DPH6: variants seen among roughly 807,000 people sequenced by gnomAD.
DPH6 encodes diphthamine biosynthesis 6, also known as diphthine--ammonia ligase.
DPH6 carries 33 observed loss-of-function variants against 38.2 expected under a neutral mutation model. The ratio of observed to expected loss-of-function variants is 0.86; its 90% confidence interval spans 0.65 to 1.15. DPH6 has a LOEUF of 1.15. DPH6 is among the 50% of genes most tolerant of loss of function. The pLI is 0.00. For synonymous variants in DPH6, 108 were observed against 103.0 expected (o/e 1.05, Z -0.30); for missense variants, 325 against 320.0 (o/e 1.02, Z -0.12).
At chr15:35,342,061 G>C (rs903349273) in intron 3 of DPH6, among the ~76,000 whole-genome samples, 1 of 152,192 alleles carries the variant, frequency 6.6e-6, no homozygotes, top group Admixed American at 6.5e-5. Context: ...CCATTGACTG[G>C]CTGGAATTGC....
intron 3 of DPH6, among the ~76,000 whole-genome samples, chr15:35,290,881 T>G (rs2051975661): frequency 6.6e-6 from 1 of 152,116 alleles, no homozygotes; most frequent in Non-Finnish European, 1.5e-5. Flanking sequence ...AATAATTAAT[T>G]AAACCTATCA....
chr15:35,369,466 C>T (rs1367182776), downstream of DPH6, among the ~76,000 whole-genome samples: 7 of 151,546 alleles, frequency 4.6e-5, no homozygotes, highest in Non-Finnish European at 8.9e-5. Context: ...AATCATACTT[C>T]ATTTTCTGTC....
chr15:35,529,925 GTATT>G (rs1439613269), intron 3 of DPH6, among the ~76,000 whole-genome samples: 17 of 151,762 alleles, frequency 1.1e-4, no homozygotes, highest in Non-Finnish European at 2.5e-4. Flanking sequence ...AAAACACTAA[GTATT>G]TATCAATAAT....
chr15:35,542,350 A>C, intron 2 of DPH6, 63 bp downstream of exon 2: 2 of 1,364,412 alleles, frequency 1.5e-6, no homozygotes, highest in Non-Finnish European at 2.1e-6. Flanking sequence ...TACCTGTACA[A>C]TGTAATTATG....
At chr15:35,427,213 G>T (rs192317471) in intron 5 of DPH6, among the ~76,000 whole-genome samples, 2 of 151,702 alleles carry the variant, frequency 1.3e-5, no homozygotes, top group African/African-American at 4.8e-5. Context: ...GTGAGGAAAC[G>T]ACTATTCCAA....
intron 3 of DPH6, among the ~76,000 whole-genome samples, chr15:35,268,217 A>G (rs1000239072): frequency 4.2e-4 from 59 of 141,986 alleles, no homozygotes; most frequent in African/African-American, 1.4e-3. Flanking sequence ...ATAAATAAAT[A>G]AAAGAAAACT....
At chr15:35,413,139 T>G (rs1197404071) in intron 5 of DPH6, among the ~76,000 whole-genome samples, 1 of 151,702 alleles carries the variant, frequency 6.6e-6, no homozygotes, top group African/African-American at 2.4e-5. Context: ...AACCTACAAC[T>G]GCTTTAACAA....
At chr15:35,317,269 GAA>G (rs1161317713) in intron 3 of DPH6, among the ~76,000 whole-genome samples, 1 of 120,392 alleles carries the variant, frequency 8.3e-6, no homozygotes, top group African/African-American at 3.2e-5. Context: ...AAAAAAGAAA[GAA>G]AGAAAGAGAG....
intron 3 of DPH6, among the ~76,000 whole-genome samples, chr15:35,466,194 C>T (rs1051630705): frequency 6.6e-6 from 1 of 151,416 alleles, no homozygotes; most frequent in Admixed American, 6.6e-5. Context: ...AAGGTTCTGT[C>T]TCAAAAAAAT....
At chr15:35,243,156 C>T (rs905418293) in intron 3 of DPH6, among the ~76,000 whole-genome samples, 2 of 142,096 alleles carry the variant, frequency 1.4e-5, no homozygotes, top group Non-Finnish European at 3.1e-5. Flanking sequence ...CGTATCCAGG[C>T]CATCACCAAT....
chr15:35,202,887 C>T, the DPH6 span, among the ~76,000 whole-genome samples: 2 of 151,688 alleles, frequency 1.3e-5, no homozygotes, highest in Admixed American at 6.6e-5. Flanking sequence ...TTTTCTCTTG[C>T]TTTTAACAGA....
At chr15:35,299,204 A>G in intron 3 of DPH6, 2 of 1,344,332 alleles carry the variant, frequency 1.5e-6, no homozygotes, top group Non-Finnish European at 2.1e-6. Context: ...TGGGAACAGG[A>G]TCCTTCAGCC....
At chr15:35,236,795 A>G (rs764367961) in intron 3 of DPH6, among the ~76,000 whole-genome samples, 4 of 152,208 alleles carry the variant, frequency 2.6e-5, no homozygotes, top group Non-Finnish European at 4.4e-5. Flanking sequence ...GATCATCACC[A>G]GTAAGAATAA....
chr15:35,522,145 T>C, intron 3 of DPH6: 2 of 1,613,302 alleles, frequency 1.2e-6, no homozygotes, highest in Non-Finnish European at 1.7e-6. Context: ...TGTGTGTTTA[T>C]CAAACTTGCT....
intron 3 of DPH6, among the ~76,000 whole-genome samples, chr15:35,239,222 T>C (rs1302398838): frequency 7.0e-6 from 1 of 143,686 alleles, no homozygotes; most frequent in African/African-American, 2.5e-5. Context: ...AGCGGCCTCT[T>C]TTTACTCTCT....
intron 3 of DPH6, among the ~76,000 whole-genome samples, chr15:35,505,806 A>G (rs1323155522): frequency 6.6e-6 from 1 of 152,136 alleles, no homozygotes; most frequent in East Asian, 1.9e-4. Context: ...CTAGCCTCAA[A>G]CAGGAAAAGC....
At chr15:35,370,126 G>T (rs144976673), downstream of DPH6, among the ~76,000 whole-genome samples, 32 of 151,762 alleles carry the variant, frequency 2.1e-4, 1 homozygote, top group African/African-American at 6.7e-4. Context: ...AATGGTGCTG[G>T]AACAACTGAA....
the DPH6 span, among the ~76,000 whole-genome samples, chr15:35,151,802 G>A: frequency 1.4e-4 from 21 of 152,318 alleles, no homozygotes; most frequent in East Asian, 3.9e-3. Context: ...ATAAAAATGC[G>A]TGAAGTCTAT....
At chr15:35,290,993 C>G (rs1407550072) in intron 3 of DPH6, among the ~76,000 whole-genome samples, 1 of 151,920 alleles carries the variant, frequency 6.6e-6, no homozygotes, top group Admixed American at 6.6e-5. Context: ...AGTTGCTTAC[C>G]TAGGCTCCAA....
Sources: gnomAD v4.1 joint callset for allele counts (sites outside exome capture counted in the v4.1 genomes callset) on GRCh38, gnomAD v4.1.1 for gene constraint, MANE v1.5 for transcripts, NCBI Gene and HGNC (gene_info 2026-07-23, HGNC 2026-07-21) for gene names.